Variants in CDH13 observed in about 807,000 individuals in gnomAD.
The protein encoded by CDH13 is cadherin-13.
A neutral mutation model predicts 63.8 loss-of-function variants in CDH13; 24 were observed. That is an observed-to-expected ratio of 0.38 (90% CI 0.27 to 0.53). The LOEUF (loss-of-function observed/expected upper bound fraction) is 0.53. Among genes scored for constraint, CDH13 ranks in the 20% least tolerant of loss-of-function variants. The pLI is 0.85. For missense variants in CDH13, 1,049 were observed against 903.1 expected, an observed-to-expected ratio of 1.16 and a Z score of -2.07; for synonymous variants, 503 against 355.3, an observed-to-expected ratio of 1.42 and a Z score of -4.67.
intron 7 of CDH13, among the ~76,000 whole-genome samples, chr16:83,602,135 AAAAAAAAACC>A (rs61453637): frequency 4.2e-4 from 39 of 92,004 alleles, no homozygotes; most frequent in African/African-American, 2.7e-3. Flanking sequence ...AAAAAAAAAA[AAAAAAAAACC>A]CAAAGGACAA....
At chr16:83,428,779 A>T (rs1380687397) in intron 6 of CDH13, among the ~76,000 whole-genome samples, 1 of 152,200 alleles carries the variant, frequency 6.6e-6, no homozygotes, top group Non-Finnish European at 1.5e-5. Flanking sequence ...TTGATGTTTT[A>T]TGGAAAATCT....
chr16:83,084,920 G>A (rs534753853), intron 3 of CDH13, among the ~76,000 whole-genome samples: 5 of 152,298 alleles, frequency 3.3e-5, no homozygotes, highest in African/African-American at 1.2e-4. Flanking sequence ...AAGTAGAGGT[G>A]TTTTTCTTGC....
intron 3 of CDH13, among the ~76,000 whole-genome samples, chr16:83,087,785 T>TCAAA (rs1348602798): frequency 6.6e-6 from 1 of 152,152 alleles, no homozygotes; most frequent in African/African-American, 2.4e-5. Flanking sequence ...ATGTTTATTT[T>TCAAA]CAAACACTTC....
At chr16:82,863,773 T>G (rs2040028797) in intron 2 of CDH13, among the ~76,000 whole-genome samples, 1 of 152,142 alleles carries the variant, frequency 6.6e-6, no homozygotes, top group South Asian at 2.1e-4. Flanking sequence ...AGAAGAAAAA[T>G]CATGTTGGCC....
chr16:82,832,988 T>C (rs1372918444), intron 1 of CDH13, among the ~76,000 whole-genome samples: 2 of 152,178 alleles, frequency 1.3e-5, no homozygotes, highest in African/African-American at 4.8e-5. Context: ...ATTAGCAATA[T>C]GTGTTATGTG....
intron 2 of CDH13, among the ~76,000 whole-genome samples, chr16:82,968,944 AC>A (rs1004667169): frequency 1.2e-4 from 18 of 151,692 alleles, no homozygotes; most frequent in African/African-American, 4.4e-4. Context: ...ACATGGAAAA[AC>A]CCCATCTCTA....
chr16:83,525,998 T>A (rs1266921153), intron 7 of CDH13, among the ~76,000 whole-genome samples: 1 of 152,168 alleles, frequency 6.6e-6, no homozygotes, highest in East Asian at 1.9e-4. Context: ...AGTAGCTAGA[T>A]GTTAGCCCAG....
At chr16:83,253,028 C>T (rs1471602243) in intron 5 of CDH13, among the ~76,000 whole-genome samples, 1 of 152,042 alleles carries the variant, frequency 6.6e-6, no homozygotes, top group Non-Finnish European at 1.5e-5. Context: ...GTATTGCGTG[C>T]CAAACCCTTA....
intron 5 of CDH13, among the ~76,000 whole-genome samples, chr16:83,254,280 G>C (rs924650288): frequency 6.6e-6 from 1 of 152,196 alleles, no homozygotes; most frequent in African/African-American, 2.4e-5. Context: ...ATAGCTCACT[G>C]CTTAGCATCA....
chr16:83,171,991 G>A (rs1347651361), intron 4 of CDH13, among the ~76,000 whole-genome samples: 3 of 152,092 alleles, frequency 2.0e-5, no homozygotes, highest in African/African-American at 4.8e-5. Flanking sequence ...TAGCTGCTAT[G>A]GTTGAAACAT....
chr16:82,730,723 A>G (rs1054064129), intron 1 of CDH13, among the ~76,000 whole-genome samples: 38 of 152,250 alleles, frequency 2.5e-4, no homozygotes, highest in African/African-American at 8.7e-4. Context: ...AATATGCAGT[A>G]TCTGCAAAAT....
intron 8 of CDH13, among the ~76,000 whole-genome samples, chr16:83,626,058 TG>T (rs1284103352): frequency 6.6e-6 from 1 of 151,472 alleles, no homozygotes; most frequent in Non-Finnish European, 1.5e-5. Context: ...TTGCCCAGGC[TG>T]GAGTGCAGTG....
chr16:83,302,052 G>GA (rs1199386526), intron 5 of CDH13, among the ~76,000 whole-genome samples: 1 of 151,916 alleles, frequency 6.6e-6, no homozygotes, highest in Non-Finnish European at 1.5e-5. Flanking sequence ...TTTCTTACCT[G>GA]AAAAATGAAA....
intron 5 of CDH13, among the ~76,000 whole-genome samples, chr16:83,310,124 AC>A (rs1170323905): frequency 6.6e-6 from 1 of 152,212 alleles, no homozygotes; most frequent in Non-Finnish European, 1.5e-5. Flanking sequence ...ATTGGAAGTG[AC>A]AGATGAAATT....
chr16:83,617,508 A>G (rs1169626922), intron 8 of CDH13, among the ~76,000 whole-genome samples: 2 of 151,564 alleles, frequency 1.3e-5, no homozygotes, highest in Admixed American at 1.3e-4. Context: ...ATATCCTAAT[A>G]TGCACATATT....
At chr16:82,982,061 A>G (rs1189576526) in intron 2 of CDH13, among the ~76,000 whole-genome samples, 1 of 152,124 alleles carries the variant, frequency 6.6e-6, no homozygotes, top group South Asian at 2.1e-4. Context: ...CCCTGAATCA[A>G]CTTCTAGTTT....
At chr16:83,095,143 A>C (rs760357942) in intron 3 of CDH13, among the ~76,000 whole-genome samples, 1 of 152,226 alleles carries the variant, frequency 6.6e-6, no homozygotes, top group East Asian at 1.9e-4. Flanking sequence ...GTGTTTGCCA[A>C]TTACTGTGGT....
intron 7 of CDH13, among the ~76,000 whole-genome samples, chr16:83,556,868 C>T (rs763462616): frequency 6.6e-6 from 1 of 152,200 alleles, no homozygotes; most frequent in African/African-American, 2.4e-5. Context: ...GTTGAAGCGC[C>T]TCCTGGGCTG....
At chr16:82,856,268 C>T (rs1371541972) in intron 1 of CDH13, among the ~76,000 whole-genome samples, 2 of 150,096 alleles carry the variant, frequency 1.3e-5, no homozygotes, top group South Asian at 2.1e-4. Context: ...CCCACTTACT[C>T]GGGAGGCTGA....
Sources: allele counts gnomAD v4.1 joint callset (sites outside exome capture counted in the v4.1 genomes callset), GRCh38; gene constraint gnomAD v4.1.1; transcripts MANE v1.5; gene names NCBI Gene and HGNC (gene_info 2026-07-23, HGNC 2026-07-21).